RTN4RL2: variants seen among roughly 807,000 people sequenced by gnomAD.
RTN4RL2 encodes reticulon-4 receptor-like 2.
A neutral mutation model predicts 27.8 loss-of-function variants in RTN4RL2; 9 were observed. The observed-to-expected ratio is 0.32, with a 90% CI of 0.20 to 0.57. RTN4RL2 has a LOEUF of 0.57. RTN4RL2 is among the 20% of genes least tolerant of loss of function. The pLI, the probability that RTN4RL2 is intolerant of heterozygous loss-of-function variation, is 0.90. For missense variants in RTN4RL2, 436 were observed against 596.8 expected, an observed-to-expected ratio of 0.73 and a Z score of 2.81; for synonymous variants, 285 against 297.9, an observed-to-expected ratio of 0.96 and a Z score of 0.45.
At position 57,476,524 on chromosome 11, in the gene RTN4RL2, G is replaced by A. The variant is rs1371043272; in HGVS notation, c.876G>A (p.Pro292=). 15 of 1,451,790 alleles carry A rather than the reference G, an allele frequency of 1.0e-5. No individual in the cohort carries two copies. The highest frequency in any genetic ancestry group is 1.4e-5 in the South Asian group (1 of 72,794). 89.9% of individuals were successfully genotyped at this position (1,451,790 alleles called of 1,614,324 possible). A position where few individuals can be genotyped will look rare whatever the true frequency, so the allele number is the denominator to read the frequency against. Residue 292 remains proline (P), a synonymous_variant, in exon 3 of 3, where the codon CCG becomes CCA. Coordinates refer to ENST00000335099, the MANE Select transcript of RTN4RL2 (RefSeq NM_178570.3). This position sits in a 1 kb window ranked among gnomAD's most constrained non-coding sequence, Gnocchi z 8.2. Reference sequence around the variant, plus strand: ...CCGACGTGACCTGCGCCACCCCCCCGGAGCGCCAGGGCCGAGACCTGCGCG... The same window carrying A: ...CCGACGTGACCTGCGCCACCCCCCCAGAGCGCCAGGGCCGAGACCTGCGCG... ...SSSDVTCATP[P]ERQGRDLRAL...
At chr11:57,472,583 T>C (rs1251131291) in intron 2 of RTN4RL2, among the ~76,000 whole-genome samples, 2 of 152,238 alleles carry the variant, frequency 1.3e-5, no homozygotes, top group African/African-American at 4.8e-5. Context: ...GCCACACCTC[T>C]AATTTGCTCT....
At chr11:57,462,102 A>T (rs576407883) in intron 1 of RTN4RL2, among the ~76,000 whole-genome samples, 4 of 151,618 alleles carry the variant, frequency 2.6e-5, no homozygotes, top group African/African-American at 4.9e-5. Flanking sequence ...TTGGAAGGGG[A>T]GTGACAGCCT....
chr11:57,465,505 G>A (rs1943515945), intron 1 of RTN4RL2, among the ~76,000 whole-genome samples: 2 of 152,176 alleles, frequency 1.3e-5, no homozygotes, highest in South Asian at 2.1e-4. Context: ...AGCCTAGGAC[G>A]TTGCTTGAAG....
Position 57,477,230 on chromosome 11 carries a change from G to C in RTN4RL2, c.*319G>C. 1 of 300,740 alleles carries C rather than the reference G, an allele frequency of 3.3e-6. No homozygotes were observed. The highest frequency in any genetic ancestry group is 6.1e-6 in the Non-Finnish European group (1 of 163,280). 18.6% of individuals were successfully genotyped at this position (300,740 alleles called of 1,614,324 possible). ...ACCCGCACTCCTAAGGGCCCACAGC[G>C]GACACCAGAGGGGCTTTTGTCTGCA... On this transcript the variant is annotated 3_prime_UTR_variant, in exon 3 of 3. Coordinates refer to ENST00000335099, the MANE Select transcript of RTN4RL2 (RefSeq NM_178570.3).
chr11:57,471,245 A>AAG, intron 2 of RTN4RL2, among the ~76,000 whole-genome samples: 1 of 148,882 alleles, frequency 6.7e-6, no homozygotes, highest in East Asian at 2.0e-4. Context: ...CAAAAAAGGA[A>AAG]AAAAAAAAAA....
At chr11:57,468,441 TTCTG>T (rs1376707638) in intron 2 of RTN4RL2, 6 of 891,620 alleles carry the variant, frequency 6.7e-6, no homozygotes, top group African/African-American at 1.7e-5. Context: ...CTTCTGCCTC[TTCTG>T]TCTGTCTCCC....
chr11:57,461,021 A>T (rs773802495), intron 1 of RTN4RL2, 125 bp downstream of exon 1: 3 of 541,150 alleles, frequency 5.5e-6, no homozygotes, highest in Non-Finnish European at 8.7e-6. Context: ...GGAAAAGCTC[A>T]GCGCTGGGGC....
chr11:57,462,853 A>G (rs953139410), intron 1 of RTN4RL2, among the ~76,000 whole-genome samples: 1 of 152,046 alleles, frequency 6.6e-6, no homozygotes, highest in African/African-American at 2.4e-5. Flanking sequence ...TGTAATCACT[A>G]CTCTAGAACA....
Position 57,476,313 on chromosome 11 carries a change from C to T in RTN4RL2, c.665C>T (p.Ala222Val), listed in dbSNP as rs1943594944. The T allele has an allele frequency of 6.2e-7, 1 of 1,611,240 alleles. No homozygotes were observed. The highest frequency in any genetic ancestry group is 8.5e-7 in the Non-Finnish European group (1 of 1,178,968). The change falls in exon 3 of 3, where the codon GCC (alanine) becomes GTC (valine). Residue 222 changes from alanine to valine, a missense_variant. Coordinates refer to ENST00000335099, the MANE Select transcript of RTN4RL2 (RefSeq NM_178570.3). The surrounding 1 kb of genome is among the most constrained non-coding windows in gnomAD (Gnocchi z 8.2). ...GNRLQGVHRA[A>V]FRGLSRLTIL... ...CGGCTGCAGGGCGTGCACCGCGCGG[C>T]CTTCCGCGGCCTCAGCCGCCTCACC...
chr11:57,466,905 A>G (rs1269432595), intron 1 of RTN4RL2, among the ~76,000 whole-genome samples: 1 of 152,206 alleles, frequency 6.6e-6, no homozygotes, highest in Non-Finnish European at 1.5e-5. Context: ...TAAATGCCTT[A>G]TATAGGGCTG....
chr11:57,470,659 C>T (rs1048817911), intron 2 of RTN4RL2, among the ~76,000 whole-genome samples: 2 of 152,104 alleles, frequency 1.3e-5, no homozygotes, highest in East Asian at 3.8e-4. Context: ...ATAATTACTA[C>T]TACTACTACT....
chr11:57,465,261 C>T (rs1212331282), intron 1 of RTN4RL2, among the ~76,000 whole-genome samples: 2 of 152,250 alleles, frequency 1.3e-5, no homozygotes, highest in East Asian at 3.8e-4. Context: ...TGGTGAGCAC[C>T]TGGCTCACGC....
In RTN4RL2 at chr11:57,467,075, A is replaced by G. The variant is rs1337629957; in HGVS notation, c.32-534A>G. ...CTTCAACCAATTTGCAGTGCTTTCTACAATGGCCTTTTGGCATTATTTTTT... is the reference window on the plus strand; with the variant it reads ...CTTCAACCAATTTGCAGTGCTTTCTGCAATGGCCTTTTGGCATTATTTTTT... On this transcript the variant is annotated intron_variant, in intron 1 of 2. Coordinates refer to ENST00000335099, the MANE Select transcript of RTN4RL2 (RefSeq NM_178570.3). The surrounding 1 kb of genome is among the most constrained non-coding windows in gnomAD (Gnocchi z 5.5). Among the ~76,000 whole-genome samples, 1 of 152,276 alleles carries G rather than the reference A, an allele frequency of 6.6e-6. No homozygotes were observed. Among genetic ancestry groups the G allele is most frequent in the East Asian group, 1.9e-4 (1 of 5,204 alleles).
At chr11:57,465,979 C>T (rs1943520587) in intron 1 of RTN4RL2, among the ~76,000 whole-genome samples, 1 of 150,470 alleles carries the variant, frequency 6.6e-6, no homozygotes, top group African/African-American at 2.4e-5. Flanking sequence ...TAGCAAGACC[C>T]CATGCCTACA....
intron 1 of RTN4RL2, among the ~76,000 whole-genome samples, chr11:57,461,450 A>C (rs1489140734): frequency 5.6e-5 from 1 of 17,854 alleles, no homozygotes. Context: ...TGGGGTGGGG[A>C]GGGGTCAGGG....
rs1211428359 is a variant in RTN4RL2 at position 57,477,134 on chromosome 11, G to C, written c.*223G>C. The C allele has an allele frequency of 2.7e-5, 13 of 483,526 alleles. No homozygotes were observed. The highest frequency in any genetic ancestry group is 7.2e-6 in the Non-Finnish European group (2 of 278,490). The allele number at this position is 483,526 out of a possible 1,614,324, so 30.0% of individuals were successfully genotyped here. On this transcript the variant is annotated 3_prime_UTR_variant, in exon 3 of 3. Coordinates refer to ENST00000335099, the MANE Select transcript of RTN4RL2 (RefSeq NM_178570.3). ...AGGGCGTGTGTGGTGGCTCAGCCCT[G>C]CCCTCCCCAGTTCTGGCCATTAACT...
intron 1 of RTN4RL2, among the ~76,000 whole-genome samples, chr11:57,463,268 G>T (rs1015927319): frequency 6.6e-6 from 1 of 152,178 alleles, no homozygotes; most frequent in African/African-American, 2.4e-5. Context: ...AAGTTAACCT[G>T]TACAAATGCA....
chr11:57,463,642 G>A (rs1361846150), intron 1 of RTN4RL2, among the ~76,000 whole-genome samples: 17 of 152,052 alleles, frequency 1.1e-4, no homozygotes, highest in Admixed American at 9.8e-4. Flanking sequence ...AGTCTCCACC[G>A]GGAATTCACA....
intron 1 of RTN4RL2, among the ~76,000 whole-genome samples, chr11:57,461,595 G>C (rs927763834): frequency 1.3e-5 from 2 of 151,822 alleles, no homozygotes; most frequent in Non-Finnish European, 2.9e-5. Flanking sequence ...GTGGGACCCA[G>C]GTGAAGACCA....
Sources: allele counts gnomAD v4.1 joint callset (sites outside exome capture counted in the v4.1 genomes callset), GRCh38; gene constraint gnomAD v4.1.1; non-coding constraint Gnocchi (gnomAD v3.1); transcripts MANE v1.5; gene names NCBI Gene and HGNC (gene_info 2026-07-23, HGNC 2026-07-21).